SMARCC1: variants seen among roughly 807,000 people sequenced by gnomAD.
SMARCC1 encodes the protein SWI/SNF complex subunit SMARCC1.
Under a neutral mutation model 147.4 loss-of-function variants are expected in SMARCC1, and 43 were observed. The ratio of observed to expected loss-of-function variants is 0.29; its 90% CI spans 0.23 to 0.38. The LOEUF (loss-of-function observed/expected upper bound fraction) is 0.38. Among genes scored for constraint, SMARCC1 ranks in the 10% least tolerant of loss-of-function variants. The pLI is 1.00. For synonymous variants in SMARCC1, 495 were observed against 484.4 expected (o/e 1.02, Z -0.29); for missense variants, 1,119 against 1,381.1 (o/e 0.81, Z 3.01).
chr3:47,686,341 A>G (rs2033723384), intron 13 of SMARCC1, among the ~76,000 whole-genome samples, 171 bp from the exon 14 acceptor site: 1 of 152,244 alleles, frequency 6.6e-6, no homozygotes, highest in Non-Finnish European at 1.5e-5. Flanking sequence ...TTTAAGGTAC[A>G]AGGTAGCCAG....
At chr3:47,755,596 T>C (rs1185835131) in intron 2 of SMARCC1, among the ~76,000 whole-genome samples, 2 of 151,738 alleles carry the variant, frequency 1.3e-5, no homozygotes, top group African/African-American at 4.8e-5. Flanking sequence ...CGGTGGCTCA[T>C]GCCTGTAATC....
intron 3 of SMARCC1, among the ~76,000 whole-genome samples, chr3:47,741,757 T>TA (rs2034512934): frequency 6.6e-6 from 1 of 152,012 alleles, no homozygotes; most frequent in Admixed American, 6.6e-5. Context: ...ACTATTATTT[T>TA]AAAAAATAGA....
intron 21 of SMARCC1, among the ~76,000 whole-genome samples, chr3:47,647,483 ACTTAT>A (rs2033133092): frequency 6.6e-6 from 1 of 152,188 alleles, no homozygotes. Context: ...CATATTTTCA[ACTTAT>A]AATGAGTTTA....
chr3:47,662,659 C>A, intron 19 of SMARCC1, 67 bp from the exon 20 acceptor site: 2 of 1,303,484 alleles, frequency 1.5e-6, no homozygotes, highest in South Asian at 1.4e-5. Context: ...ATTAGAAGTT[C>A]TTTAGATAGC....
chr3:47,609,387 C>T (rs964941889), intron 26 of SMARCC1, among the ~76,000 whole-genome samples: 4 of 151,922 alleles, frequency 2.6e-5, no homozygotes, highest in African/African-American at 4.8e-5. Context: ...GTCCCAGCTA[C>T]TCGGGAGGCT....
At chr3:47,774,044 C>T (rs1270025798) in intron 1 of SMARCC1, among the ~76,000 whole-genome samples, 1 of 151,890 alleles carries the variant, frequency 6.6e-6, no homozygotes, top group Admixed American at 6.6e-5. Flanking sequence ...AGCTAACTTT[C>T]GAACTACCAT....
intron 5 of SMARCC1, among the ~76,000 whole-genome samples, chr3:47,735,395 A>C (rs1324561060): frequency 6.6e-6 from 1 of 152,100 alleles, no homozygotes; most frequent in African/African-American, 2.4e-5. Flanking sequence ...TCACACCTAT[A>C]ATCAATCCTA....
intron 26 of SMARCC1, among the ~76,000 whole-genome samples, chr3:47,607,420 A>T (rs1286956542): frequency 6.6e-6 from 1 of 152,222 alleles, no homozygotes; most frequent in Non-Finnish European, 1.5e-5. Flanking sequence ...CGTGACTTGG[A>T]CAGAGAATTT....
chr3:47,697,224 T>C (rs1576414496), intron 11 of SMARCC1, among the ~76,000 whole-genome samples: 3 of 151,372 alleles, frequency 2.0e-5, no homozygotes, highest in African/African-American at 7.3e-5. Context: ...GAGGCTGAGG[T>C]GGGAGTATCA....
At chr3:47,719,380 G>A (rs1239801801) in intron 7 of SMARCC1, among the ~76,000 whole-genome samples, 1 of 151,946 alleles carries the variant, frequency 6.6e-6, no homozygotes, top group Non-Finnish European at 1.5e-5. Context: ...ATCCTTAGTG[G>A]TTTCGCATAA....
chr3:47,679,678 A>G (rs2033617242), intron 15 of SMARCC1, among the ~76,000 whole-genome samples: 1 of 152,098 alleles, frequency 6.6e-6, no homozygotes, highest in African/African-American at 2.4e-5. Flanking sequence ...CCTGGCCAAC[A>G]TGGTGAAACC....
At chr3:47,758,378 C>G (rs572395429) in intron 2 of SMARCC1, among the ~76,000 whole-genome samples, 1 of 145,916 alleles carries the variant, frequency 6.9e-6, no homozygotes, top group Non-Finnish European at 1.5e-5. Flanking sequence ...ACTTCAGCCT[C>G]GCAAAAAAAA....
At chr3:47,738,937 TG>T (rs1307106776) in intron 3 of SMARCC1, among the ~76,000 whole-genome samples, 5 of 152,222 alleles carry the variant, frequency 3.3e-5, no homozygotes, top group Non-Finnish European at 7.3e-5. Flanking sequence ...TTCCTAAATG[TG>T]GTAACACTGA....
At chr3:47,731,326 G>C (rs921965982) in intron 5 of SMARCC1, among the ~76,000 whole-genome samples, 1 of 152,130 alleles carries the variant, frequency 6.6e-6, no homozygotes, top group Non-Finnish European at 1.5e-5. Flanking sequence ...TCAAATTCTA[G>C]TTCTCTTATT....
At chr3:47,746,048 C>A in intron 2 of SMARCC1, 55 bp from the exon 3 acceptor site, 1 of 1,116,490 alleles carries the variant, frequency 9.0e-7, no homozygotes, top group South Asian at 1.5e-5. Flanking sequence ...CAAAATTACT[C>A]ATGTCTTAAT....
chr3:47,661,293 C>T lies in SMARCC1; in HGVS notation c.2320+1G>A. ...GTCCCTTAAAAGCAGCAGTGACTCA[C>T]CAAGCTTCTCTGGCTCATCGGGCCC... is the stretch of plus-strand genomic sequence containing the variant. On this transcript the variant is annotated splice_donor_variant, in intron 21 of 27. Coordinates refer to ENST00000254480, the MANE Select transcript of SMARCC1 (RefSeq NM_003074.4). LOFTEE classifies it high-confidence loss of function. The T allele has an allele frequency of 1.2e-6, 2 of 1,603,794 alleles. No individual in the cohort carries two copies. Among genetic ancestry groups the T allele is most frequent in the Non-Finnish European group, 1.7e-6 (2 of 1,176,872 alleles).
chr3:47,639,617 G>A (rs1399554149), intron 21 of SMARCC1, among the ~76,000 whole-genome samples: 1 of 152,142 alleles, frequency 6.6e-6, no homozygotes, highest in East Asian at 1.9e-4. Context: ...AGGAGTCTGA[G>A]GCAGGAGAAT....
chr3:47,779,568 G>A (rs1483763196), intron 1 of SMARCC1, among the ~76,000 whole-genome samples: 1 of 152,164 alleles, frequency 6.6e-6, no homozygotes, highest in Non-Finnish European at 1.5e-5. Flanking sequence ...TGTCTATAAA[G>A]TCTCAGGGAT....
chr3:47,709,148 G>A (rs1217100639), intron 9 of SMARCC1, among the ~76,000 whole-genome samples: 2 of 149,702 alleles, frequency 1.3e-5, no homozygotes, highest in African/African-American at 4.9e-5. Context: ...GTAATCCCAG[G>A]TACTTGGGAA....
Sources: allele counts gnomAD v4.1 joint callset (sites outside exome capture counted in the v4.1 genomes callset), GRCh38; gene constraint gnomAD v4.1.1; transcripts MANE v1.5; gene names NCBI Gene and HGNC (gene_info 2026-07-23, HGNC 2026-07-21).